PRKCA: variants seen among roughly 807,000 people sequenced by gnomAD.
PRKCA encodes the protein protein kinase C alpha type.
In PRKCA, 27 loss-of-function variants were observed where a neutral mutation model predicts 87.0. That is an observed-to-expected ratio of 0.31 (90% CI 0.23 to 0.43). PRKCA has a LOEUF of 0.43. Among genes scored for constraint, PRKCA ranks in the 20% least tolerant of loss-of-function variants. PRKCA has a pLI of 1.00. For missense variants in PRKCA, 518 were observed against 852.3 expected, an observed-to-expected ratio of 0.61 and a Z score of 4.88; for synonymous variants, 329 against 311.1, an observed-to-expected ratio of 1.06 and a Z score of -0.61.
intron 5 of PRKCA, among the ~76,000 whole-genome samples, chr17:66,666,806 C>A: frequency 6.6e-6 from 1 of 152,012 alleles, no homozygotes; most frequent in East Asian, 1.9e-4. Flanking sequence ...ACTCTCCATG[C>A]CTCTCCAGGG....
At chr17:66,583,087 A>G (rs1005488105) in intron 3 of PRKCA, among the ~76,000 whole-genome samples, 1 of 152,240 alleles carries the variant, frequency 6.6e-6, no homozygotes, top group African/African-American at 2.4e-5. Flanking sequence ...ATGTGAGAAC[A>G]TTTCAAACAG....
intron 8 of PRKCA, among the ~76,000 whole-genome samples, chr17:66,697,153 T>C (rs1234698685): frequency 6.6e-6 from 1 of 152,258 alleles, no homozygotes; most frequent in Non-Finnish European, 1.5e-5. Flanking sequence ...CTACCTCTTG[T>C]GATTTGAAGC....
chr17:66,786,049 C>T (rs1272013645), intron 14 of PRKCA, among the ~76,000 whole-genome samples: 5 of 152,114 alleles, frequency 3.3e-5, no homozygotes, highest in Non-Finnish European at 5.9e-5. Context: ...AGGATGGTCT[C>T]GATCACCTGC....
At chr17:66,726,732 T>A (rs1444842301) in intron 8 of PRKCA, among the ~76,000 whole-genome samples, 3 of 151,638 alleles carry the variant, frequency 2.0e-5, no homozygotes, top group Non-Finnish European at 4.4e-5. Context: ...ACTGTCTTTT[T>A]TTTTTTTTTC....
chr17:66,645,227 G>T (rs1025262671), intron 4 of PRKCA, among the ~76,000 whole-genome samples, 156 bp from the exon 5 acceptor site: 3 of 152,156 alleles, frequency 2.0e-5, no homozygotes, highest in African/African-American at 7.2e-5. Flanking sequence ...TGCTGTACAG[G>T]ACATCTGCTA....
At chr17:66,712,972 T>C (rs1390809108) in intron 8 of PRKCA, among the ~76,000 whole-genome samples, 1 of 152,088 alleles carries the variant, frequency 6.6e-6, no homozygotes, top group African/African-American at 2.4e-5. Flanking sequence ...TTACAGAGTT[T>C]TCCCTAATGG....
chr17:66,553,466 C>T (rs1013341259), intron 3 of PRKCA, among the ~76,000 whole-genome samples: 1 of 152,170 alleles, frequency 6.6e-6, no homozygotes, highest in Admixed American at 6.5e-5. Flanking sequence ...TTGAATACTC[C>T]TCCCTGCCAG....
chr17:66,759,600 T>A (rs539460342), intron 13 of PRKCA, among the ~76,000 whole-genome samples: 2 of 151,232 alleles, frequency 1.3e-5, no homozygotes, highest in South Asian at 4.2e-4. Context: ...TCCAGTTATA[T>A]CACAAATAAC....
At chr17:66,785,485 C>T (rs1048254527) in intron 14 of PRKCA, among the ~76,000 whole-genome samples, 6 of 152,166 alleles carry the variant, frequency 3.9e-5, no homozygotes, top group Non-Finnish European at 2.9e-5. Flanking sequence ...TCTGTACAAG[C>T]GCTGGTCCTT....
chr17:66,608,844 G>A (rs1970277494), intron 3 of PRKCA, among the ~76,000 whole-genome samples: 1 of 152,154 alleles, frequency 6.6e-6, no homozygotes, highest in Admixed American at 6.5e-5. Flanking sequence ...TATTCTCTCT[G>A]CTCTTTGCAT....
intron 2 of PRKCA, among the ~76,000 whole-genome samples, chr17:66,339,300 G>A (rs143465396): frequency 3.3e-4 from 50 of 152,268 alleles, no homozygotes; most frequent in African/African-American, 1.1e-3. Context: ...TTTATTTGCA[G>A]AAATAGTTAA....
chr17:66,464,526 C>T (rs1915000118), intron 2 of PRKCA, among the ~76,000 whole-genome samples: 1 of 152,178 alleles, frequency 6.6e-6, no homozygotes, highest in African/African-American at 2.4e-5. Flanking sequence ...ACATCCTTGT[C>T]AGCGTTTGGT....
Position 66,608,901 on chromosome 17 carries a change from T to C in PRKCA, c.289-32454T>C, listed in dbSNP as rs2143627136. On this transcript the variant is annotated intron_variant, in intron 3 of 16. Coordinates refer to ENST00000413366, the MANE Select transcript of PRKCA (RefSeq NM_002737.3). ...GAAAAGACTTTTAAAAAAGATTAAA[T>C]AACAGCTTCCCAGGTGATCCTGAAA... Among the ~76,000 whole-genome samples, 3 of 152,338 alleles carry C rather than the reference T, an allele frequency of 2.0e-5. No homozygotes were observed. The South Asian group carries it at 6.2e-4, about 32-fold the overall frequency.
At chr17:66,488,494 C>T (rs2144081069) in intron 2 of PRKCA, among the ~76,000 whole-genome samples, 1 of 152,284 alleles carries the variant, frequency 6.6e-6, no homozygotes, top group East Asian at 1.9e-4. Flanking sequence ...GTTGCTCTGG[C>T]CGGGAGCTTG....
intron 3 of PRKCA, among the ~76,000 whole-genome samples, chr17:66,615,861 G>A (rs754508794): frequency 1.1e-4 from 17 of 152,168 alleles, no homozygotes; most frequent in Admixed American, 2.6e-4. Flanking sequence ...TCAAATCCAA[G>A]CAGCTTCAAG....
At chr17:66,640,525 T>A (rs1971261943) in intron 3 of PRKCA, among the ~76,000 whole-genome samples, 1 of 152,190 alleles carries the variant, frequency 6.6e-6, no homozygotes. Context: ...CATAAAATAC[T>A]TTGGAGATGG....
intron 3 of PRKCA, chr17:66,638,162 T>C (rs1971195999): frequency 6.6e-6 from 1 of 150,754 alleles, no homozygotes; most frequent in Admixed American, 6.6e-5. Flanking sequence ...ATATATATGT[T>C]GCAAATATAA....
chr17:66,677,563 A>G (rs540449860), intron 5 of PRKCA, among the ~76,000 whole-genome samples: 4 of 152,198 alleles, frequency 2.6e-5, no homozygotes, highest in Non-Finnish European at 4.4e-5. Flanking sequence ...TTCCACACTA[A>G]TAGGTGAACC....
chr17:66,512,072 A>C (rs532075360), intron 3 of PRKCA, among the ~76,000 whole-genome samples: 1 of 152,246 alleles, frequency 6.6e-6, no homozygotes, highest in African/African-American at 2.4e-5. Context: ...CTTGCCAAAT[A>C]GCTTCCTAGC....
Sources: gnomAD v4.1 joint callset for allele counts (sites outside exome capture counted in the v4.1 genomes callset) on GRCh38, gnomAD v4.1.1 for gene constraint, MANE v1.5 for transcripts, NCBI Gene and HGNC (gene_info 2026-07-23, HGNC 2026-07-21) for gene names.